Variants in PLCG1 observed in about 807,000 individuals in gnomAD.
PLCG1 encodes 1-phosphatidylinositol 4,5-bisphosphate phosphodiesterase gamma-1.
In PLCG1, 71 loss-of-function variants were observed where a neutral mutation model predicts 177.8. The observed-to-expected ratio is 0.40, with a 90% confidence interval of 0.33 to 0.49. PLCG1 has a LOEUF of 0.49. Ranked by LOEUF, PLCG1 falls within the 20% of genes least tolerant of loss-of-function variation. The pLI, the probability that PLCG1 is intolerant of heterozygous loss-of-function variation, is 0.72. For missense variants in PLCG1, 1,281 were observed against 1,709.0 expected, an observed-to-expected ratio of 0.75 and a Z score of 4.42; for synonymous variants, 658 against 647.9, an observed-to-expected ratio of 1.02 and a Z score of -0.24.
At position 41,147,086 on chromosome 20, in the gene PLCG1, G is replaced by C. The variant is rs2035018268; in HGVS notation, c.217+9228G>C. Among the ~76,000 whole-genome samples the C allele has an allele frequency of 6.6e-6, 1 of 152,142 alleles. No individual in the cohort carries two copies. Among genetic ancestry groups the C allele is most frequent in the African/African-American group, 2.4e-5 (1 of 41,408 alleles). On this transcript the variant is annotated intron_variant, in intron 1 of 31. Coordinates refer to ENST00000685551, the MANE Select transcript of PLCG1 (RefSeq NM_002660.3). The surrounding 1 kb of genome is among the most constrained non-coding windows in gnomAD (Gnocchi z 4.0). ...ACTTTATGGTCACCCTATTCTGCCT[G>C]ATAGTCCACCACCTGTTTGGAGGCA...
chr20:41,172,349 A>G lies in PLCG1; in HGVS notation c.2905+60A>G. On this transcript the variant is annotated intron_variant, in intron 25 of 31. Coordinates refer to ENST00000685551, the MANE Select transcript of PLCG1 (RefSeq NM_002660.3). This position sits in a 1 kb window ranked among gnomAD's most constrained non-coding sequence, Gnocchi z 7.0. ...CCTGGAGGGCCTGGTGGGTGCAAAA[A>G]GAGTATTTAGGTATCCCCCCAACAC... is the stretch of plus-strand genomic sequence containing the variant. 6.3e-7 allele frequency: 1 copy of G among 1,579,372 alleles called. No individual in the cohort carries two copies. The highest frequency in any genetic ancestry group is 2.2e-5 in the East Asian group (1 of 44,720).
chr20:41,139,859 A>G (rs1197478414), intron 1 of PLCG1, among the ~76,000 whole-genome samples: 5 of 152,214 alleles, frequency 3.3e-5, no homozygotes, highest in Non-Finnish European at 2.9e-5. Context: ...AGAAAAAGGC[A>G]GGAAACAGTT....
chr20:41,169,643 C>T lies in PLCG1; in HGVS notation c.2650+117C>T, dbSNP rs6029556. On this transcript the variant is annotated intron_variant, in intron 23 of 31. Transcript: ENST00000685551. ...CTGAACCCCAAAGTCTGCCCTCACT[C>T]CAAGCTCTCCCCATGCTCTGGACAT... 1,752 of 777,106 alleles carry T rather than the reference C, an allele frequency of 2.3e-3. 17 individuals are homozygous for T. In the African/African-American group the frequency reaches 0.027, roughly 12 times the overall value. The allele number at this position is 777,106 out of a possible 1,614,324, so 48.1% of individuals were successfully genotyped here. A position where few individuals can be genotyped will look rare whatever the true frequency, so the allele number is the denominator to read the frequency against.
At chr20:41,145,131 C>G (rs759494385) in intron 1 of PLCG1, among the ~76,000 whole-genome samples, 5 of 152,136 alleles carry the variant, frequency 3.3e-5, no homozygotes, top group Non-Finnish European at 7.3e-5. Context: ...GCTGTGATAA[C>G]AAATGATGCC....
chr20:41,163,274 G>T lies in PLCG1; in HGVS notation c.788G>T (p.Gly263Val). The change falls in exon 8 of 32, where the codon GGG becomes GTG. Residue 263 changes from glycine to valine, a missense_variant and splice_region_variant. Transcript: ENST00000685551. The surrounding 1 kb of genome is among the most constrained non-coding windows in gnomAD (Gnocchi z 5.2). ...CAGCAGTTCCTTCTTGACTACCAGG[G>T]GGTATGGCTGGGCTGACATTGGCCC... The part of the protein sequence containing the change: ...EFQQFLLDYQ[G>V]ELWAVDRLQV... The T allele has an allele frequency of 3.8e-6, 6 of 1,570,578 alleles. No individual in the cohort carries two copies. Among genetic ancestry groups the T allele is most frequent in the Non-Finnish European group, 5.2e-6 (6 of 1,159,244 alleles).
chr20:41,137,881 T>A lies in PLCG1; in HGVS notation c.217+23T>A. On this transcript the variant is annotated intron_variant, in intron 1 of 31. Coordinates refer to ENST00000685551, the MANE Select transcript of PLCG1 (RefSeq NM_002660.3). The surrounding 1 kb of genome is among the most constrained non-coding windows in gnomAD (Gnocchi z 7.3). ...CCAGTAAGTGCGCCCACTTCCTGCCTGGGCCCGCCCCGCGCGGGGGTCGTG... is the reference window on the plus strand; with the variant it reads ...CCAGTAAGTGCGCCCACTTCCTGCCAGGGCCCGCCCCGCGCGGGGGTCGTG... 1.6e-6 allele frequency: 2 copies of A among 1,243,930 alleles called. No individual in the cohort carries two copies. The highest frequency in any genetic ancestry group is 2.0e-6 in the Non-Finnish European group (2 of 982,332). 77.1% of individuals were successfully genotyped at this position (1,243,930 alleles called of 1,614,324 possible). A position where few individuals can be genotyped will look rare whatever the true frequency, so the allele number is the denominator to read the frequency against.
In PLCG1 at chr20:41,159,688, G is replaced by T. The variant is rs774848839; in HGVS notation, c.300G>T (p.Arg100=). ...FDRYQEDPAF[R]PDQSHCFVIL... ...GCTATCAAGAGGACCCAGCTTTCCGGCCGGACCAGTCACATTGCTTTGTCA... is the reference window on the plus strand; with the variant it reads ...GCTATCAAGAGGACCCAGCTTTCCGTCCGGACCAGTCACATTGCTTTGTCA... Residue 100 remains arginine, a synonymous_variant, in exon 2 of 32, where the codon CGG becomes CGT. Coordinates refer to ENST00000685551, the MANE Select transcript of PLCG1 (RefSeq NM_002660.3). This position sits in a 1 kb window ranked among gnomAD's most constrained non-coding sequence, Gnocchi z 6.0. 1 of 1,614,208 alleles carries T rather than the reference G, an allele frequency of 6.2e-7. No homozygotes were observed.
intron 1 of PLCG1, among the ~76,000 whole-genome samples, chr20:41,139,951 G>A (rs1022396836): frequency 1.3e-5 from 2 of 152,220 alleles, no homozygotes; most frequent in African/African-American, 2.4e-5. Context: ...TTGCAGTTGT[G>A]CACATTTGAC....
Position 41,149,305 on chromosome 20 carries a change from C to G in PLCG1, c.218-10301C>G, listed in dbSNP as rs35108142. Among the ~76,000 whole-genome samples, 1,161 of 152,268 alleles carry G rather than the reference C, an allele frequency of 7.6e-3. 16 individuals carry two copies. The highest frequency in any genetic ancestry group is 0.027 in the African/African-American group (1,118 of 41,546). ...GTATTCCAAGTATCTAGTTTAATGT[C>G]TCTCATGTAGGTGCTCAGAACGTAT... On this transcript the variant is annotated intron_variant, in intron 1 of 31. Coordinates refer to ENST00000685551, the MANE Select transcript of PLCG1 (RefSeq NM_002660.3).
chr20:41,168,280 T>G (rs2035770115), intron 20 of PLCG1, among the ~76,000 whole-genome samples: 2 of 152,160 alleles, frequency 1.3e-5, no homozygotes, highest in African/African-American at 4.8e-5. Context: ...TTGTTTTGCC[T>G]TTTTCTCTAA....
chr20:41,170,454 G>A (rs1400502250), intron 24 of PLCG1, 185 bp downstream of exon 24: 3 of 618,246 alleles, frequency 4.9e-6, no homozygotes, highest in East Asian at 2.8e-5. Context: ...AATGTGGTGT[G>A]TTTAGGTTGT....
chr20:41,176,641 T>G lies in PLCG1; in HGVS notation c.*2132T>G, dbSNP rs2036072313. On this transcript the variant is annotated 3_prime_UTR_variant, in exon 32 of 32. Transcript: ENST00000685551. ...CTTTCTTAAGGCAGCTTTGTAGACC[T>G]GAGGCTCACCTCTCTTGGGCTCTGT... 2.0e-5 allele frequency: 3 copies of G among 152,380 alleles called. No individual in the cohort carries two copies. Among genetic ancestry groups the G allele is most frequent in the East Asian group, 3.9e-4 (2 of 5,184 alleles). The allele number at this position is 152,380 out of a possible 1,614,324, so 9.4% of individuals were successfully genotyped here.
In PLCG1 at chr20:41,165,653, A is replaced by G; in HGVS notation, c.1626A>G (p.Thr542=). ...TCCCCTGACAGGTCAGCAGCAGCAC[A>G]GAGCTGCACTCCAATGAGAAGTGGT... is the stretch of plus-strand genomic sequence containing the variant. ...EEEPKEVSSS[T]ELHSNEKWFH... The change falls in exon 16 of 32, where the codon ACA becomes ACG. Residue 542 remains threonine, a synonymous_variant. Transcript: ENST00000685551. The surrounding 1 kb of genome is among the most constrained non-coding windows in gnomAD (Gnocchi z 6.6). The G allele has an allele frequency of 1.2e-6, 2 of 1,613,680 alleles. No homozygotes were observed. The highest frequency in any genetic ancestry group is 1.7e-6 in the Non-Finnish European group (2 of 1,179,666).
Position 41,173,259 on chromosome 20 carries a change from G to C in PLCG1, c.3280-161G>C, listed in dbSNP as rs34835879. Among the ~76,000 whole-genome samples the C allele has an allele frequency of 4.4e-3, 675 of 152,166 alleles. 7 individuals are homozygous for C. Among genetic ancestry groups the C allele is most frequent in the East Asian group, 0.023 (117 of 5,170 alleles). ...CTACAGGCAGCAGCTGCTCTGGACA[G>C]CTTAGGGTCCCTGATGTCGTGAGGG... On this transcript the variant is annotated intron_variant, in intron 27 of 31. Transcript: ENST00000685551. The surrounding 1 kb of genome is among the most constrained non-coding windows in gnomAD (Gnocchi z 6.2).
chr20:41,162,560 G>A (rs778372534), intron 5 of PLCG1, 24 bp downstream of exon 5: 2 of 1,611,894 alleles, frequency 1.2e-6, no homozygotes, highest in South Asian at 1.1e-5. Flanking sequence ...AGGGCTGTCT[G>A]TAGATGGGGG....
At position 41,165,991 on chromosome 20, in the gene PLCG1, C is replaced by G; in HGVS notation, c.1799+165C>G. On this transcript the variant is annotated intron_variant, in intron 16 of 31. Transcript: ENST00000685551. This position sits in a 1 kb window ranked among gnomAD's most constrained non-coding sequence, Gnocchi z 6.6. ...ATACACACACACACTCTCTGTCTCA[C>G]CCCCCCCCCATACCCCTCCCTTTTC... 3.4e-6 allele frequency: 1 copy of G among 297,910 alleles called. No individual in the cohort carries two copies. The highest frequency in any genetic ancestry group is 4.9e-5 in the South Asian group (1 of 20,224). The allele number at this position is 297,910 out of a possible 1,614,324, so 18.5% of individuals were successfully genotyped here.
chr20:41,150,278 G>A lies in PLCG1; in HGVS notation c.218-9328G>A, dbSNP rs2035126106. On this transcript the variant is annotated intron_variant, in intron 1 of 31. Transcript: ENST00000685551. This position sits in a 1 kb window ranked among gnomAD's most constrained non-coding sequence, Gnocchi z 4.0. ...GGCCAGGAGTTTGAGACAAGCTTGGGCAACATAGTGAGACCCCATCTCTAT... is the reference window on the plus strand; with the variant it reads ...GGCCAGGAGTTTGAGACAAGCTTGGACAACATAGTGAGACCCCATCTCTAT... Among the ~76,000 whole-genome samples the A allele has an allele frequency of 1.3e-5, 2 of 152,178 alleles. No homozygotes were observed. The highest frequency in any genetic ancestry group is 6.5e-5 in the Admixed American group (1 of 15,280).
In PLCG1 at chr20:41,173,558, C is replaced by A. The variant is rs376203729; in HGVS notation, c.3394+24C>A. 4.4e-5 allele frequency: 71 copies of A among 1,613,810 alleles called. 1 individual carries two copies. In the African/African-American group the frequency reaches 8.3e-4, roughly 19 times the overall value. On this transcript the variant is annotated intron_variant, in intron 28 of 31. Coordinates refer to ENST00000685551, the MANE Select transcript of PLCG1 (RefSeq NM_002660.3). This position sits in a 1 kb window ranked among gnomAD's most constrained non-coding sequence, Gnocchi z 6.2. ...GGGTCAGTCTGTCTTCCCAGTCATC[C>A]TCCTCATCCTGCTGGGGCACTGCAA...
intron 24 of PLCG1, chr20:41,170,569 G>T: frequency 3.1e-6 from 1 of 322,504 alleles, no homozygotes; most frequent in Admixed American, 4.6e-5. Context: ...GGAAGCAGGA[G>T]TGGAGTGGGG....
Sources: allele counts gnomAD v4.1 joint callset (sites outside exome capture counted in the v4.1 genomes callset), GRCh38; gene constraint gnomAD v4.1.1; non-coding constraint Gnocchi (gnomAD v3.1); transcripts MANE v1.5; gene names NCBI Gene and HGNC (gene_info 2026-07-23, HGNC 2026-07-21).